The following AUTS2 variants were observed in gnomAD, a reference collection of about 807,000 sequenced individuals.
AUTS2 encodes the protein autism susceptibility gene 2 protein.
In AUTS2, 17 loss-of-function variants were observed where a neutral mutation model predicts 112.4. The ratio of observed to expected loss-of-function variants is 0.15; its 90% confidence interval spans 0.10 to 0.23. The LOEUF (loss-of-function observed/expected upper bound fraction) is 0.23. AUTS2 is among the 10% of genes least tolerant of loss of function. AUTS2 has a pLI of 1.00. For missense variants in AUTS2, 1,510 were observed against 1,701.6 expected, an observed-to-expected ratio of 0.89 and a Z score of 1.98; for synonymous variants, 751 against 702.7, an observed-to-expected ratio of 1.07 and a Z score of -1.09.
chr7:70,320,482 T>C (rs772769725), intron 4 of AUTS2, among the ~76,000 whole-genome samples: 85 of 152,348 alleles, frequency 5.6e-4, no homozygotes, highest in Admixed American at 2.3e-3. Flanking sequence ...TGGAGATCAC[T>C]AAGCAGGCAG....
intron 5 of AUTS2, among the ~76,000 whole-genome samples, chr7:70,465,948 G>A (rs1008928221): frequency 2.6e-5 from 4 of 152,260 alleles, no homozygotes; most frequent in Non-Finnish European, 4.4e-5. Flanking sequence ...AGCACAGTTA[G>A]GATGGAAAGT....
At chr7:70,161,965 A>G (rs1808099127) in intron 4 of AUTS2, among the ~76,000 whole-genome samples, 5 of 152,208 alleles carry the variant, frequency 3.3e-5, no homozygotes, top group Admixed American at 2.6e-4. Flanking sequence ...ATACTCCTTG[A>G]TAGGATTACT....
At chr7:69,682,539 A>T (rs1796846460) in intron 1 of AUTS2, among the ~76,000 whole-genome samples, 1 of 152,218 alleles carries the variant, frequency 6.6e-6, no homozygotes, top group African/African-American at 2.4e-5. Flanking sequence ...ACTGTGACTT[A>T]GTACTAATAC....
chr7:69,881,872 C>T (rs1794062198), intron 1 of AUTS2, among the ~76,000 whole-genome samples: 2 of 152,116 alleles, frequency 1.3e-5, no homozygotes, highest in Non-Finnish European at 2.9e-5. Context: ...ACCAAGTGGA[C>T]CAGGCGTGGT....
chr7:70,479,494 G>A (rs1035341392), intron 5 of AUTS2, among the ~76,000 whole-genome samples: 2 of 152,106 alleles, frequency 1.3e-5, no homozygotes, highest in Non-Finnish European at 2.9e-5. Flanking sequence ...TCAACCTCAA[G>A]CCCTGCCCTC....
At position 70,764,776 on chromosome 7, in the gene AUTS2, G is replaced by A. The variant is rs1301286730; in HGVS notation, c.1239G>A (p.Ala413=). 2.5e-6 allele frequency: 2 copies of A among 784,454 alleles called. No individual in the cohort carries two copies. Among genetic ancestry groups the A allele is most frequent in the Non-Finnish European group, 4.5e-6 (2 of 446,466 alleles). 48.6% of individuals were successfully genotyped at this position (784,454 alleles called of 1,614,324 possible). A position where few individuals can be genotyped will look rare whatever the true frequency, so the allele number is the denominator to read the frequency against. ...SLSSSRSSTP[A]KTQPAPPHIS... ...GCAGCAGCAGAAGCAGCACTCCAGCGAAGACTCAGCCCGCCCCACCTCACA... is the reference window on the plus strand; with the variant it reads ...GCAGCAGCAGAAGCAGCACTCCAGCAAAGACTCAGCCCGCCCCACCTCACA... The change falls in exon 8 of 19, where the codon GCG becomes GCA. Residue 413 remains alanine (A), a synonymous_variant. Coordinates refer to ENST00000342771, the MANE Select transcript of AUTS2 (RefSeq NM_015570.4).
At chr7:70,521,695 A>G (rs1034806118) in intron 5 of AUTS2, among the ~76,000 whole-genome samples, 2 of 152,226 alleles carry the variant, frequency 1.3e-5, no homozygotes, top group African/African-American at 2.4e-5. Context: ...GTTGGCACCT[A>G]TAGGCAGACT....
intron 4 of AUTS2, among the ~76,000 whole-genome samples, chr7:70,400,718 G>A (rs534401009): frequency 7.2e-5 from 11 of 152,210 alleles, no homozygotes; most frequent in African/African-American, 2.4e-4. Flanking sequence ...TTAAGGGAAC[G>A]CCATGGTGAG....
intron 1 of AUTS2, among the ~76,000 whole-genome samples, chr7:69,726,379 T>A (rs74572118): frequency 9.2e-5 from 14 of 152,358 alleles, no homozygotes; most frequent in East Asian, 7.7e-4. Context: ...CAGTTTTTTT[T>A]AATTGCTGAA....
At chr7:70,541,940 T>C (rs1360907298) in intron 5 of AUTS2, among the ~76,000 whole-genome samples, 1 of 152,220 alleles carries the variant, frequency 6.6e-6, no homozygotes, top group Non-Finnish European at 1.5e-5. Flanking sequence ...GTAATGCTCC[T>C]GATCCTCATC....
intron 4 of AUTS2, among the ~76,000 whole-genome samples, chr7:70,424,109 C>T (rs932921920): frequency 3.9e-5 from 6 of 152,230 alleles, no homozygotes; most frequent in Middle Eastern, 3.4e-3. Flanking sequence ...AAGGTAGACT[C>T]CAAGAATTAA....
intron 5 of AUTS2, among the ~76,000 whole-genome samples, chr7:70,457,849 C>T (rs576946747): frequency 6.6e-6 from 1 of 152,250 alleles, no homozygotes; most frequent in East Asian, 1.9e-4. Flanking sequence ...TCTTCTGAGC[C>T]GTTTTGTTGA....
intron 14 of AUTS2, among the ~76,000 whole-genome samples, chr7:70,778,198 G>T (rs1790831304): frequency 6.6e-6 from 1 of 152,138 alleles, no homozygotes. Flanking sequence ...TCAGCGCTTG[G>T]CTTAGGGAAC....
chr7:70,154,732 G>A (rs1807646425), intron 4 of AUTS2, among the ~76,000 whole-genome samples: 1 of 152,294 alleles, frequency 6.6e-6, no homozygotes, highest in Admixed American at 6.5e-5. Context: ...CTCTCCACTT[G>A]ACTCATGGTG....
chr7:70,595,509 T>C (rs561235413), intron 5 of AUTS2, among the ~76,000 whole-genome samples: 2 of 151,854 alleles, frequency 1.3e-5, no homozygotes, highest in Admixed American at 6.6e-5. Flanking sequence ...TGCACTGCTG[T>C]GTATTCCTGG....
At chr7:70,253,577 C>G (rs575720411) in intron 4 of AUTS2, among the ~76,000 whole-genome samples, 1 of 152,138 alleles carries the variant, frequency 6.6e-6, no homozygotes, top group Admixed American at 6.5e-5. Flanking sequence ...TCTTTGACAC[C>G]TGGGAGAAGG....
At chr7:69,630,047 G>A (rs141317284) in intron 1 of AUTS2, among the ~76,000 whole-genome samples, 152 of 152,184 alleles carry the variant, frequency 1.0e-3, no homozygotes, top group African/African-American at 3.5e-3. Flanking sequence ...CTGAGGTCAG[G>A]AGTTCGAGAC....
Position 70,428,142 on chromosome 7 carries a change from A to G in AUTS2, c.661-7610A>G, listed in dbSNP as rs149260841. 1.8e-3 allele frequency among the ~76,000 whole-genome samples: 270 copies of G among 152,350 alleles called. 3 individuals are homozygous for G. Among genetic ancestry groups the G allele is most frequent in the Admixed American group, 0.017 (256 of 15,306 alleles). ...ACATTATTTCACAGTCAGTAAGAAT[A>G]TGGTCTCAGTAAGAACATTTTCAGG... On this transcript the variant is annotated intron_variant, in intron 4 of 18. Coordinates refer to ENST00000342771, the MANE Select transcript of AUTS2 (RefSeq NM_015570.4).
intron 1 of AUTS2, among the ~76,000 whole-genome samples, chr7:69,768,556 T>A (rs1170309621): frequency 6.6e-6 from 1 of 152,182 alleles, no homozygotes; most frequent in South Asian, 2.1e-4. Flanking sequence ...TCTGGACCTA[T>A]ATAAGCTGTC....
Sources: allele counts gnomAD v4.1 joint callset (sites outside exome capture counted in the v4.1 genomes callset), GRCh38; gene constraint gnomAD v4.1.1; transcripts MANE v1.5; gene names NCBI Gene and HGNC (gene_info 2026-07-23, HGNC 2026-07-21).